ATP2A1: variants seen among roughly 807,000 people sequenced by gnomAD.
The protein encoded by ATP2A1 is ATPase sarcoplasmic/endoplasmic reticulum Ca2+ transporting 1, also known as sarcoplasmic/endoplasmic reticulum calcium ATPase 1.
ATP2A1 carries 83 observed loss-of-function variants against 109.5 expected under a neutral mutation model. The ratio of observed to expected loss-of-function variants is 0.76; its 90% CI spans 0.63 to 0.91. ATP2A1 has a LOEUF of 0.91. Among genes scored for constraint, ATP2A1 ranks in the 40% least tolerant of loss-of-function variants. ATP2A1 has a pLI of 0.00. For missense variants in ATP2A1, 1,101 were observed against 1,341.0 expected (o/e 0.82, Z 2.80); for synonymous variants, 505 against 537.6 (o/e 0.94, Z 0.84).
intron 14 of ATP2A1, 120 bp from the exon 15 acceptor site, chr16:28,900,461 C>A: frequency 1.0e-6 from 1 of 954,616 alleles, no homozygotes; most frequent in Non-Finnish European, 1.5e-6. Context: ...AGGGTTCAGG[C>A]TTCCCACCCC....
chr16:28,878,592 GAC>G lies in ATP2A1; in HGVS notation c.-75_-74del. 1 of 1,182,164 alleles carries G rather than the reference GAC, an allele frequency of 8.5e-7. No homozygotes were observed. Among genetic ancestry groups the G allele is most frequent in the Non-Finnish European group, 1.2e-6 (1 of 810,706 alleles). The allele number at this position is 1,182,164 out of a possible 1,614,324, so 73.2% of individuals were successfully genotyped here. Reference sequence around the variant, plus strand: ...AGAAACCCAGGCAGACAGGCAGTTGGACACACTGAGGAAGACCCCCCACGAGT... The same window carrying G: ...AGAAACCCAGGCAGACAGGCAGTTGGACACTGAGGAAGACCCCCCACGAGT... On this transcript the variant is annotated 5_prime_UTR_variant, in exon 1 of 23. Transcript: ENST00000395503.
chr16:28,888,697 G>C, intron 8 of ATP2A1, 90 bp from the exon 9 acceptor site: 1 of 1,476,286 alleles, frequency 6.8e-7, no homozygotes, highest in Non-Finnish European at 9.3e-7. Context: ...GCACCAACGT[G>C]CCCAGCTGGG....
Position 28,903,285 on chromosome 16 carries a change from C to T in ATP2A1, c.2863-38C>T. 1 of 1,590,430 alleles carries T rather than the reference C, an allele frequency of 6.3e-7. No individual in the cohort carries two copies. Among genetic ancestry groups the T allele is most frequent in the Admixed American group, 1.7e-5 (1 of 59,976 alleles). ...GCAGTGCTGGTCTCTGGCTCCCTCC[C>T]CACCCCCTCCTGAGAGGGCGCTTGT... On this transcript the variant is annotated intron_variant, in intron 20 of 22. Transcript: ENST00000395503. This position sits in a 1 kb window ranked among gnomAD's most constrained non-coding sequence, Gnocchi z 5.6.
At position 28,878,582 on chromosome 16, in the gene ATP2A1, C is replaced by T. The variant is rs531866526; in HGVS notation, c.-90C>T. On this transcript the variant is annotated 5_prime_UTR_variant, in exon 1 of 23. Coordinates refer to ENST00000395503, the MANE Select transcript of ATP2A1 (RefSeq NM_004320.6). ...AGTAAAAAGAAGAAACCCAGGCAGA[C>T]AGGCAGTTGGACACACTGAGGAAGA... 3.7e-6 allele frequency: 4 copies of T among 1,078,450 alleles called. No individual in the cohort carries two copies. The East Asian group carries it at 1.0e-4, about 28-fold the overall frequency. 66.8% of individuals were successfully genotyped at this position (1,078,450 alleles called of 1,614,324 possible). A position where few individuals can be genotyped will look rare whatever the true frequency, so the allele number is the denominator to read the frequency against.
Position 28,903,457 on chromosome 16 carries a change from C to T in ATP2A1, c.2980+17C>T. On this transcript the variant is annotated intron_variant, in intron 21 of 22. Coordinates refer to ENST00000395503, the MANE Select transcript of ATP2A1 (RefSeq NM_004320.6). The surrounding 1 kb of genome is among the most constrained non-coding windows in gnomAD (Gnocchi z 5.6). Reference sequence around the variant, plus strand: ...ACCTAGAGGGTAAGGAGTGCCCTCTCTGTCCCAAGCCCTGGCCCCACCACA... The same window carrying T: ...ACCTAGAGGGTAAGGAGTGCCCTCTTTGTCCCAAGCCCTGGCCCCACCACA... 6.3e-7 allele frequency: 1 copy of T among 1,594,452 alleles called. No individual in the cohort carries two copies. The highest frequency in any genetic ancestry group is 8.6e-7 in the Non-Finnish European group (1 of 1,162,330).
intron 12 of ATP2A1, among the ~76,000 whole-genome samples, chr16:28,895,365 C>T (rs1436074366): frequency 1.3e-5 from 2 of 152,130 alleles, no homozygotes; most frequent in Non-Finnish European, 2.9e-5. Flanking sequence ...CTTTCCTTGC[C>T]CAGATGAACC....
Position 28,903,733 on chromosome 16 carries a change from G to T in ATP2A1, c.*29G>T. On this transcript the variant is annotated 3_prime_UTR_variant, in exon 22 of 23. Transcript: ENST00000395503. This position sits in a 1 kb window ranked among gnomAD's most constrained non-coding sequence, Gnocchi z 5.6. ...TTCCCCCTCCTCCATCTCTGAGCCCGTGTCACAGGTATCACCCCCTTCTTG... is the reference window on the plus strand; with the variant it reads ...TTCCCCCTCCTCCATCTCTGAGCCCTTGTCACAGGTATCACCCCCTTCTTG... 1 of 1,613,614 alleles carries T rather than the reference G, an allele frequency of 6.2e-7. No individual in the cohort carries two copies. Among genetic ancestry groups the T allele is most frequent in the Non-Finnish European group, 8.5e-7 (1 of 1,179,752 alleles).
intron 8 of ATP2A1, 117 bp downstream of exon 8, chr16:28,887,839 C>A (rs553326951): frequency 7.4e-7 from 1 of 1,360,378 alleles, no homozygotes; most frequent in Non-Finnish European, 1.0e-6. Context: ...CTTGCTCTGT[C>A]ACCCAGGCTG....
rs763328567 is a variant in ATP2A1 at position 28,902,230 on chromosome 16, G to A, written c.2368G>A (p.Val790Met). 5.0e-6 allele frequency: 8 copies of A among 1,613,970 alleles called. No individual in the cohort carries two copies. The South Asian group carries it at 8.8e-5, about 18-fold the overall frequency. The stretch of plus-strand genomic sequence containing the variant: ...GGGGCTGCCTGAGGCCCTGATCCCG[G>A]TGCAGCTGCTATGGGTGAACTTGGT... ...ALGLPEALIP[V>M]QLLWVNLVTD... is the part of the protein sequence containing the mutation. The change falls in exon 17 of 23, where the codon GTG becomes ATG. Residue 790 changes from valine to methionine, a missense_variant. Transcript: ENST00000395503. The surrounding 1 kb of genome is among the most constrained non-coding windows in gnomAD (Gnocchi z 4.8).
chr16:28,879,203 C>G, intron 2 of ATP2A1, 87 bp downstream of exon 2: 1 of 1,464,166 alleles, frequency 6.8e-7, no homozygotes, highest in South Asian at 1.1e-5. Flanking sequence ...TCTTTAGATT[C>G]TTTGAGCAAA....
rs751190054 is a variant in ATP2A1, at chr16:28,887,237, G to A, written c.593G>A (p.Arg198Gln). ...CACACGGAGCCCGTTCCTGACCCCC[G>A]AGCTGTCAACCAGGACAAGAAGAAC... is the stretch of plus-strand genomic sequence containing the variant. ...IKHTEPVPDP[R>Q]AVNQDKKNML... The change falls in exon 7 of 23, where the codon CGA becomes CAA. Residue 198 changes from arginine to glutamine, a missense_variant. Transcript: ENST00000395503. 7.4e-6 allele frequency: 12 copies of A among 1,613,920 alleles called. No homozygotes were observed. Among genetic ancestry groups the A allele is most frequent in the South Asian group, 2.2e-5 (2 of 91,060 alleles).
At chr16:28,882,651 C>T (rs1042236378) in intron 5 of ATP2A1, 62 bp downstream of exon 5, 9 of 1,599,608 alleles carry the variant, frequency 5.6e-6, no homozygotes, top group African/African-American at 2.7e-5. Flanking sequence ...TAGGAGATGC[C>T]GGGGGCTGGT....
chr16:28,904,433 CT>C lies in ATP2A1; in HGVS notation c.*293del. On this transcript the variant is annotated 3_prime_UTR_variant, in exon 23 of 23. Coordinates refer to ENST00000395503, the MANE Select transcript of ATP2A1 (RefSeq NM_004320.6). ...CAAGGCGACCGACTGCGCTGAGCTGCTTATTTATTGAAAATAAACGACGGAA... is the reference window on the plus strand; with the variant it reads ...CAAGGCGACCGACTGCGCTGAGCTGCTATTTATTGAAAATAAACGACGGAA... 1 of 1,530,312 alleles carries C rather than the reference CT, an allele frequency of 6.5e-7. No individual in the cohort carries two copies. Among genetic ancestry groups the C allele is most frequent in the Middle Eastern group, 1.7e-4 (1 of 5,936 alleles). 94.8% of individuals were successfully genotyped at this position (1,530,312 alleles called of 1,614,324 possible). A position where few individuals can be genotyped will look rare whatever the true frequency, so the allele number is the denominator to read the frequency against.
Position 28,899,652 on chromosome 16 carries a change from C to G in ATP2A1, c.1765-929C>G, listed in dbSNP as rs899211803. Reference sequence around the variant, plus strand: ...AGACTCCATCCCCTGCGCCCGCCCCCCCCCCCCCGAAAAAGACACAATTTG... The same window carrying G: ...AGACTCCATCCCCTGCGCCCGCCCCGCCCCCCCCGAAAAAGACACAATTTG... On this transcript the variant is annotated intron_variant, in intron 14 of 22. Transcript: ENST00000395503. Among the ~76,000 whole-genome samples the G allele has an allele frequency of 2.2e-4, 23 of 105,406 alleles. 2 individuals carry two copies. Among genetic ancestry groups the G allele is most frequent in the Non-Finnish European group, 4.0e-4 (20 of 50,114 alleles). 69.2% of individuals were successfully genotyped at this position (105,406 alleles called of 152,430 possible).
chr16:28,879,901 G>T (rs572630714), intron 3 of ATP2A1: 1 of 760,032 alleles, frequency 1.3e-6, no homozygotes, highest in South Asian at 3.7e-5. Context: ...CCGCGATGCC[G>T]GCTGCGGCGC....
intron 10 of ATP2A1, 36 bp downstream of exon 10, chr16:28,894,279 C>T (rs375401605): frequency 3.2e-5 from 50 of 1,587,068 alleles, no homozygotes; most frequent in Non-Finnish European, 3.6e-5. Flanking sequence ...CAGCTCCTCA[C>T]GCCCCTTCCC....
intron 9 of ATP2A1, among the ~76,000 whole-genome samples, chr16:28,889,807 G>A (rs1206664581): frequency 1.3e-5 from 2 of 152,116 alleles, no homozygotes; most frequent in African/African-American, 4.8e-5. Flanking sequence ...ACACCCCTTT[G>A]CAGTTGAGCT....
Position 28,894,146 on chromosome 16 carries a change from C to T in ATP2A1, c.1096-9C>T. ...TGGACATCTGTGTGCCTGCCCTTCT[C>T]CCCTGCAGATGTTTATCATTGACAA... On this transcript the variant is annotated splice_polypyrimidine_tract_variant and intron_variant, in intron 9 of 22. Transcript: ENST00000395503. 1.2e-6 allele frequency: 2 copies of T among 1,612,970 alleles called. No homozygotes were observed. Among genetic ancestry groups the T allele is most frequent in the Non-Finnish European group, 1.7e-6 (2 of 1,179,146 alleles).
intron 9 of ATP2A1, chr16:28,892,350 C>T (rs1426464193): frequency 7.5e-6 from 3 of 400,928 alleles, no homozygotes; most frequent in Admixed American, 2.7e-5. Flanking sequence ...AACCCCTGCC[C>T]TTCACAGAGT....
Sources: gnomAD v4.1 joint callset for allele counts (sites outside exome capture counted in the v4.1 genomes callset) on GRCh38, gnomAD v4.1.1 for gene constraint, Gnocchi (gnomAD v3.1) non-coding constraint, MANE v1.5 for transcripts, NCBI Gene and HGNC (gene_info 2026-07-23, HGNC 2026-07-21) for gene names.